CPSF3: variants seen among roughly 807,000 people sequenced by gnomAD.
CPSF3 encodes cleavage and polyadenylation specificity factor subunit 3.
CPSF3 carries 57 observed loss-of-function variants against 84.1 expected under a neutral mutation model. That is an observed-to-expected ratio of 0.68 (90% CI 0.55 to 0.85). The LOEUF is 0.85. Among genes scored for constraint, CPSF3 ranks in the 40% least tolerant of loss-of-function variants. The probability of loss-of-function intolerance (pLI) is 0.00; values close to 1 mark genes in which losing one functional copy is unlikely to be tolerated. For synonymous variants in CPSF3, 275 were observed against 278.1 expected (o/e 0.99, Z 0.11); for missense variants, 522 against 838.8 (o/e 0.62, Z 4.66).
In CPSF3 at chr2:9,436,308, G is replaced by C; in HGVS notation, c.707G>C (p.Gly236Ala). 1 of 1,613,962 alleles carries C rather than the reference G, an allele frequency of 6.2e-7. No homozygotes were observed. Among genetic ancestry groups the C allele is most frequent in the Non-Finnish European group, 8.5e-7 (1 of 1,179,924 alleles). ...GATATTGTAAACAGAGGAGGCAGGG[G>C]TCTCATTCCTGTCTTTGCTCTTGGA... is the stretch of plus-strand genomic sequence containing the variant. ...VHDIVNRGGR[G>A]LIPVFALGRA... The change falls in exon 7 of 18, where the codon GGT becomes GCT. Residue 236 changes from glycine (G) to alanine (A), a missense_variant. Transcript: ENST00000238112.
rs148832076 is a variant in CPSF3 at position 9,451,169 on chromosome 2, A to G, written c.1396-1744A>G. On this transcript the variant is annotated intron_variant, in intron 11 of 17. Coordinates refer to ENST00000238112, the MANE Select transcript of CPSF3 (RefSeq NM_016207.4). ...TATCGGAGTGTTCTGTTTCTCACCC[A>G]TAATTTTAATGATTTAAAATCATTA... 6.2e-4 allele frequency among the ~76,000 whole-genome samples: 94 copies of G among 152,336 alleles called. 2 individuals carry two copies. The highest frequency in any genetic ancestry group is 2.1e-3 in the African/African-American group (86 of 41,580).
chr2:9,439,893 C>T (rs1680913803), intron 7 of CPSF3, among the ~76,000 whole-genome samples: 1 of 152,122 alleles, frequency 6.6e-6, no homozygotes, highest in Admixed American at 6.5e-5. Context: ...GTGGAAGGAT[C>T]ACTTGAACCT....
At chr2:9,446,649 T>C (rs955765523) in intron 10 of CPSF3, among the ~76,000 whole-genome samples, 2 of 151,108 alleles carry the variant, frequency 1.3e-5, no homozygotes, top group African/African-American at 4.9e-5. Context: ...TCCCAGCTAC[T>C]TGGAGGCTGA....
At chr2:9,464,574 T>A (rs1012898528) in intron 15 of CPSF3, among the ~76,000 whole-genome samples, 3 of 152,002 alleles carry the variant, frequency 2.0e-5, no homozygotes, top group African/African-American at 4.8e-5. Context: ...TGTGTTTTTT[T>A]AATATTTTTA....
intron 7 of CPSF3, among the ~76,000 whole-genome samples, chr2:9,437,037 T>C (rs1680807651): frequency 6.6e-6 from 1 of 152,158 alleles, no homozygotes; most frequent in Non-Finnish European, 1.5e-5. Context: ...AGGAAAAAAT[T>C]GTGTTACAGA....
chr2:9,436,774 A>AAAAAAAAAAAAAAAAAAAAAT (rs139337028), intron 7 of CPSF3, among the ~76,000 whole-genome samples: 23 of 143,034 alleles, frequency 1.6e-4, no homozygotes, highest in African/African-American at 5.5e-4. Context: ...CCATCTCAAA[A>AAAAAAAAAAAAAAAAAAAAAT]AATAATAATA....
intron 6 of CPSF3, 141 bp from the exon 7 acceptor site, chr2:9,436,070 A>G (rs896973971): frequency 1.2e-5 from 8 of 692,512 alleles, no homozygotes; most frequent in South Asian, 2.6e-5. Context: ...CCCAATTACT[A>G]TTATGACAAC....
chr2:9,461,995 C>T (rs555509830), intron 15 of CPSF3, among the ~76,000 whole-genome samples: 65 of 152,140 alleles, frequency 4.3e-4, no homozygotes, highest in African/African-American at 1.4e-3. Context: ...CTCCTGACCT[C>T]GTGATCCGCC....
intron 7 of CPSF3, among the ~76,000 whole-genome samples, chr2:9,438,178 C>T (rs1259087528): frequency 6.6e-6 from 1 of 152,170 alleles, no homozygotes; most frequent in Non-Finnish European, 1.5e-5. Context: ...AAGAAATGAC[C>T]CCAGATGAAA....
In CPSF3 at chr2:9,459,638, C is replaced by CTTTTT. The variant is rs543727439; in HGVS notation, c.1786+44_1786+48dup. ...GAAAAGGTAAGAGTTCATTTTTATC[C>CTTTTT]TTTTTTTTTTTTTTTTTTTTTTTTT... On this transcript the variant is annotated intron_variant, in intron 15 of 17. Transcript: ENST00000238112. The CTTTTT allele has an allele frequency of 1.4e-4, 43 of 310,456 alleles. No individual in the cohort carries two copies. Among genetic ancestry groups the CTTTTT allele is most frequent in the Middle Eastern group, 8.3e-4 (1 of 1,206 alleles). 19.2% of individuals were successfully genotyped at this position (310,456 alleles called of 1,614,324 possible). A position where few individuals can be genotyped will look rare whatever the true frequency, so the allele number is the denominator to read the frequency against.
At chr2:9,429,333 C>T (rs1027304872) in intron 2 of CPSF3, among the ~76,000 whole-genome samples, 2 of 152,248 alleles carry the variant, frequency 1.3e-5, no homozygotes, top group Non-Finnish European at 2.9e-5. Context: ...AAAGTCAGTT[C>T]TGTGTCTCAG....
Position 9,467,710 on chromosome 2 carries a change from CA to C in CPSF3, c.1791del (p.Val598TyrfsTer8). 4 of 1,598,816 alleles carry C rather than the reference CA, an allele frequency of 2.5e-6. No homozygotes were observed. Among genetic ancestry groups the C allele is most frequent in the Non-Finnish European group, 3.4e-6 (4 of 1,169,794 alleles). ...VQSNPKIRKG[A>X]VQKVSKKLEM... ...CTGTCGCTTTTTTTTTTCCCAGGTG[CA>C]GTACAGAAGGTTTCTAAAAAATTAG... On this transcript the variant is annotated frameshift_variant, in exon 16 of 18. Transcript: ENST00000238112. LOFTEE classifies it high-confidence loss of function.
chr2:9,470,334 C>T (rs942732956), intron 16 of CPSF3, among the ~76,000 whole-genome samples: 11 of 152,168 alleles, frequency 7.2e-5, no homozygotes, highest in Non-Finnish European at 1.5e-4. Flanking sequence ...AGTTGATTCC[C>T]ACTCCCCACT....
chr2:9,456,893 A>G (rs1030321806), intron 13 of CPSF3, 40 bp from the exon 14 acceptor site: 2 of 1,218,700 alleles, frequency 1.6e-6, no homozygotes, highest in Non-Finnish European at 2.3e-6. Flanking sequence ...GAAGATTATC[A>G]GAAAAGTATA....
intron 15 of CPSF3, among the ~76,000 whole-genome samples, chr2:9,465,913 A>G (rs1397644473): frequency 6.6e-6 from 1 of 152,132 alleles, no homozygotes; most frequent in Non-Finnish European, 1.5e-5. Flanking sequence ...AAAATTCTGC[A>G]CTACTCTTTG....
chr2:9,451,100 T>C (rs922854478), intron 11 of CPSF3, among the ~76,000 whole-genome samples: 2 of 152,092 alleles, frequency 1.3e-5, no homozygotes, highest in Non-Finnish European at 2.9e-5. Flanking sequence ...AGTCAGACAG[T>C]TTAGAAGATG....
chr2:9,472,779 T>C (rs1682223411), intron 17 of CPSF3, 137 bp from the exon 18 acceptor site: 1 of 690,212 alleles, frequency 1.4e-6, no homozygotes, highest in Non-Finnish European at 2.6e-6. Flanking sequence ...CAGACTCTTA[T>C]CTGGGACCAC....
chr2:9,433,296 C>T (rs541896050), intron 5 of CPSF3, among the ~76,000 whole-genome samples: 4 of 152,294 alleles, frequency 2.6e-5, no homozygotes, highest in Admixed American at 2.6e-4. Flanking sequence ...TTTTCCTTTT[C>T]GAGTTTGCTA....
chr2:9,430,199 A>G (rs1256905470), intron 3 of CPSF3, among the ~76,000 whole-genome samples, 179 bp downstream of exon 3: 4 of 152,210 alleles, frequency 2.6e-5, no homozygotes, highest in Admixed American at 6.5e-5. Flanking sequence ...GAAGTTTGCT[A>G]TGAAAAACTT....
Sources: allele counts gnomAD v4.1 joint callset (sites outside exome capture counted in the v4.1 genomes callset), GRCh38; gene constraint gnomAD v4.1.1; transcripts MANE v1.5; gene names NCBI Gene and HGNC (gene_info 2026-07-23, HGNC 2026-07-21).